Variants in KIF21A observed in about 807,000 individuals in gnomAD.
The protein encoded by KIF21A is kinesin-like protein KIF21A.
In KIF21A, 114 loss-of-function variants were observed where a neutral mutation model predicts 202.9. That is an observed-to-expected ratio of 0.56 (90% CI 0.48 to 0.66). KIF21A has a LOEUF of 0.66. Among genes scored for constraint, KIF21A ranks in the 30% least tolerant of loss-of-function variants. KIF21A has a pLI of 0.00. For synonymous variants in KIF21A, 667 were observed against 670.8 expected (o/e 0.99, Z 0.09); for missense variants, 1,677 against 1,994.9 (o/e 0.84, Z 3.04).
chr12:39,367,937 A>C lies in KIF21A; in HGVS notation c.546T>G (p.Thr182=). ...KSNIRIHEDS[T]GGIYTVGVTT... is the part of the protein sequence containing the mutation. ...TAACGCCCACAGTATAAATTCCTCC[A>C]GTTGAATCTTCATGAATTCTTATAT... The change falls in exon 4 of 38, where the codon ACT becomes ACG. Residue 182 remains threonine (T), a synonymous_variant. Transcript: ENST00000361418. 2 of 1,608,790 alleles carry C rather than the reference A, an allele frequency of 1.2e-6. No individual in the cohort carries two copies. The highest frequency in any genetic ancestry group is 8.5e-7 in the Non-Finnish European group (1 of 1,175,464).
chr12:39,395,612 C>T (rs1490814966), intron 1 of KIF21A, among the ~76,000 whole-genome samples: 15 of 152,030 alleles, frequency 9.9e-5, no homozygotes, highest in African/African-American at 2.9e-4. Flanking sequence ...GAGGCTGAGG[C>T]GGGCGGGTCT....
intron 1 of KIF21A, among the ~76,000 whole-genome samples, chr12:39,372,700 G>C (rs76423252): frequency 6.6e-6 from 1 of 152,080 alleles, no homozygotes; most frequent in Non-Finnish European, 1.5e-5. Flanking sequence ...CGTGGTAGTA[G>C]CAGGTTTGGC....
chr12:39,376,979 T>C (rs1280833654), intron 1 of KIF21A, among the ~76,000 whole-genome samples: 1 of 152,194 alleles, frequency 6.6e-6, no homozygotes, highest in East Asian at 1.9e-4. Context: ...TTGTCCTTAA[T>C]CAATGGTTTC....
intron 11 of KIF21A, 123 bp from the exon 12 acceptor site, chr12:39,346,627 T>A: frequency 1.9e-6 from 1 of 538,894 alleles, no homozygotes. Flanking sequence ...AAAATAAATT[T>A]TAAAAGATAT....
chr12:39,294,184 G>C lies in KIF21A; in HGVS notation c.*240C>G. The stretch of plus-strand genomic sequence containing the variant: ...GCACAAAAATTCAGCCACAATAAAA[G>C]TGTGAATAAAGCAATATATCAATTG... On this transcript the variant is annotated 3_prime_UTR_variant, in exon 38 of 38. Coordinates refer to ENST00000361418, the MANE Select transcript of KIF21A (RefSeq NM_001173464.2). The C allele has an allele frequency of 2.4e-6, 1 of 412,288 alleles. No homozygotes were observed. Among genetic ancestry groups the C allele is most frequent in the Non-Finnish European group, 4.4e-6 (1 of 225,918 alleles). The allele number at this position is 412,288 out of a possible 1,614,324, so 25.5% of individuals were successfully genotyped here.
chr12:39,419,380 A>T (rs954041728), intron 1 of KIF21A, among the ~76,000 whole-genome samples: 3 of 152,238 alleles, frequency 2.0e-5, no homozygotes, highest in African/African-American at 7.2e-5. Context: ...GCTCAGCCCT[A>T]GTTCCTATAA....
At chr12:39,318,290 A>C (rs537552315) in intron 28 of KIF21A, 89 bp from the exon 29 acceptor site, 2 of 1,295,290 alleles carry the variant, frequency 1.5e-6, no homozygotes, top group South Asian at 2.5e-5. Flanking sequence ...TTTAAAAAAA[A>C]GCTTTTTATT....
Position 39,315,246 on chromosome 12 carries a change from G to A in KIF21A, c.3948-6C>T, listed in dbSNP as rs1944411502. 1.2e-6 allele frequency: 2 copies of A among 1,611,510 alleles called. No homozygotes were observed. The highest frequency in any genetic ancestry group is 1.7e-5 in the Admixed American group (1 of 59,926). ...CTGCCTACCTTCTGGAGGATCTGCTGATGATCAGCAAAAATGGCCATAAAA... is the reference window on the plus strand; with the variant it reads ...CTGCCTACCTTCTGGAGGATCTGCTAATGATCAGCAAAAATGGCCATAAAA... On this transcript the variant is annotated splice_region_variant and splice_polypyrimidine_tract_variant and intron_variant, in intron 30 of 37. Transcript: ENST00000361418.
At chr12:39,408,835 T>A (rs1341515368) in intron 1 of KIF21A, among the ~76,000 whole-genome samples, 3 of 151,516 alleles carry the variant, frequency 2.0e-5, no homozygotes, top group Non-Finnish European at 2.9e-5. Flanking sequence ...TGTTTTTTTT[T>A]TGGAGACAGG....
chr12:39,371,465 A>C (rs1949951562), intron 1 of KIF21A, among the ~76,000 whole-genome samples: 3 of 152,212 alleles, frequency 2.0e-5, no homozygotes. Flanking sequence ...GTAAATATGA[A>C]GATATGTTCA....
At chr12:39,334,333 C>G (rs936331975) in intron 17 of KIF21A, among the ~76,000 whole-genome samples, 1 of 151,874 alleles carries the variant, frequency 6.6e-6, no homozygotes, top group African/African-American at 2.4e-5. Flanking sequence ...AATGACAGTT[C>G]ACTACAAACT....
chr12:39,380,579 A>C (rs1950550793), intron 1 of KIF21A, among the ~76,000 whole-genome samples: 2 of 152,144 alleles, frequency 1.3e-5, no homozygotes, highest in South Asian at 4.1e-4. Context: ...AAGGAAACTG[A>C]GTGTGGTGGC....
intron 17 of KIF21A, among the ~76,000 whole-genome samples, chr12:39,336,191 T>C (rs1946951359): frequency 6.6e-6 from 1 of 152,040 alleles, no homozygotes; most frequent in Non-Finnish European, 1.5e-5. Flanking sequence ...AAGTGCTGGC[T>C]GGGATTACAA....
At chr12:39,342,678 G>A (rs1947545327) in intron 12 of KIF21A, among the ~76,000 whole-genome samples, 1 of 151,832 alleles carries the variant, frequency 6.6e-6, no homozygotes, top group African/African-American at 2.4e-5. Flanking sequence ...TTTTTTCTTA[G>A]GCTGCCCGTA....
intron 1 of KIF21A, among the ~76,000 whole-genome samples, chr12:39,421,498 G>T (rs564004190): frequency 6.6e-6 from 1 of 152,086 alleles, no homozygotes; most frequent in East Asian, 1.9e-4. Flanking sequence ...TTCAAGACCA[G>T]CCTGGCCAAC....
At chr12:39,431,516 T>G (rs904353019) in intron 1 of KIF21A, among the ~76,000 whole-genome samples, 1 of 152,060 alleles carries the variant, frequency 6.6e-6, no homozygotes, top group Non-Finnish European at 1.5e-5. Flanking sequence ...TTCACACTAA[T>G]GGGTTGGTGG....
At chr12:39,321,886 A>T (rs1427936764) in intron 27 of KIF21A, 1 of 151,592 alleles carries the variant, frequency 6.6e-6, no homozygotes, top group African/African-American at 2.4e-5. Context: ...GTGAATGACT[A>T]ATCTAATATT....
At chr12:39,320,653 G>A (rs1945115947) in intron 27 of KIF21A, among the ~76,000 whole-genome samples, 1 of 151,260 alleles carries the variant, frequency 6.6e-6, no homozygotes, top group Non-Finnish European at 1.5e-5. Flanking sequence ...AAAAAGTCTG[G>A]GCCAGGCATG....
Position 39,332,200 on chromosome 12 carries a change from T to A in KIF21A, c.3051+14A>T, listed in dbSNP as rs1239251825. 21 of 1,611,268 alleles carry A rather than the reference T, an allele frequency of 1.3e-5. No individual in the cohort carries two copies. Among genetic ancestry groups the A allele is most frequent in the African/African-American group, 4.0e-5 (3 of 74,890 alleles). On this transcript the variant is annotated intron_variant, in intron 21 of 37. Transcript: ENST00000361418. ...TTTTCATTAAACCATTACGCTTTTT[T>A]AAAAATTACAAACCTTTGCTTCTTC...
Sources: gnomAD v4.1 joint callset for allele counts (sites outside exome capture counted in the v4.1 genomes callset) on GRCh38, gnomAD v4.1.1 for gene constraint, MANE v1.5 for transcripts, NCBI Gene and HGNC (gene_info 2026-07-23, HGNC 2026-07-21) for gene names.